FAM162A: variants seen among roughly 807,000 people sequenced by gnomAD.
FAM162A encodes the protein family with sequence similarity 162 member A, also known as protein FAM162A.
FAM162A carries 23 observed loss-of-function variants against 21.8 expected under a neutral mutation model. That is an observed-to-expected ratio of 1.05 (90% confidence interval 0.76 to 1.49). FAM162A has a LOEUF of 1.49. Ranked by LOEUF, FAM162A falls within the 40% of genes most tolerant of loss-of-function variation. The pLI, the probability that FAM162A is intolerant of heterozygous loss-of-function variation, is 0.00. For missense variants in FAM162A, 165 were observed against 186.4 expected, an observed-to-expected ratio of 0.89 and a Z score of 0.67; for synonymous variants, 53 against 61.3, an observed-to-expected ratio of 0.86 and a Z score of 0.64.
chr3:122,391,903 C>T (rs1484144926), intron 1 of FAM162A, among the ~76,000 whole-genome samples: 1 of 152,164 alleles, frequency 6.6e-6, no homozygotes, highest in South Asian at 2.1e-4. Context: ...ACTTCATGTC[C>T]CCATTGTTTA....
chr3:122,407,612 A>G, intron 4 of FAM162A: 1 of 511,834 alleles, frequency 2.0e-6, no homozygotes, highest in East Asian at 2.9e-5. Flanking sequence ...AAGAAGGACT[A>G]GATTCATTTT....
At chr3:122,408,293 T>C (rs981140199) in intron 4 of FAM162A, among the ~76,000 whole-genome samples, 1 of 152,226 alleles carries the variant, frequency 6.6e-6, no homozygotes, top group African/African-American at 2.4e-5. Flanking sequence ...CTATACTATC[T>C]TGCTATTAAG....
Position 122,409,926 on chromosome 3 carries a change from A to C in FAM162A, c.*95A>C. ...GATGTGGTATGAGGATCCATTTCAT[A>C]AAGTATGATTTGCCCAAACCTGTAC... On this transcript the variant is annotated 3_prime_UTR_variant, in exon 5 of 5. Transcript: ENST00000477892. The C allele has an allele frequency of 9.2e-7, 1 of 1,091,380 alleles. No individual in the cohort carries two copies. The highest frequency in any genetic ancestry group is 1.3e-5 in the South Asian group (1 of 77,594). The allele number at this position is 1,091,380 out of a possible 1,614,324, so 67.6% of individuals were successfully genotyped here. A position where few individuals can be genotyped will look rare whatever the true frequency, so the allele number is the denominator to read the frequency against.
chr3:122,401,306 C>A, intron 1 of FAM162A: 1 of 732,810 alleles, frequency 1.4e-6, no homozygotes, highest in Non-Finnish European at 1.7e-6. Flanking sequence ...ATTTTGTGTG[C>A]TTTTGTTAAA....
At chr3:122,404,441 A>G (rs776656286) in intron 3 of FAM162A, 78 bp downstream of exon 3, 11 of 664,468 alleles carry the variant, frequency 1.7e-5, no homozygotes, top group African/African-American at 3.7e-5. Context: ...CTGAGTTCCA[A>G]CTGTTTAAAA....
rs1221433752 is a variant in FAM162A, at chr3:122,411,209, C to T, written c.*1378C>T. The T allele has an allele frequency of 6.6e-6, 1 of 152,124 alleles. No homozygotes were observed. The highest frequency in any genetic ancestry group is 2.4e-5 in the African/African-American group (1 of 41,420). 9.4% of individuals were successfully genotyped at this position (152,124 alleles called of 1,614,324 possible). A position where few individuals can be genotyped will look rare whatever the true frequency, so the allele number is the denominator to read the frequency against. ...CATGCAGCTGTTTGGGCACTTTCTT[C>T]CCAAATAAAATACCCAGTAAAATGT... is the stretch of plus-strand genomic sequence containing the variant. On this transcript the variant is annotated 3_prime_UTR_variant, in exon 5 of 5. Coordinates refer to ENST00000477892, the MANE Select transcript of FAM162A (RefSeq NM_014367.4).
intron 1 of FAM162A, among the ~76,000 whole-genome samples, chr3:122,387,278 T>C (rs375417734): frequency 1.4e-3 from 220 of 152,354 alleles, no homozygotes; most frequent in African/African-American, 4.9e-3. Context: ...ATGTTTCTTA[T>C]TGAAAGAAAG....
intron 1 of FAM162A, among the ~76,000 whole-genome samples, chr3:122,394,276 A>G (rs2075617531): frequency 6.6e-6 from 1 of 152,046 alleles, no homozygotes; most frequent in Non-Finnish European, 1.5e-5. Flanking sequence ...TTACATTTCA[A>G]CATGAGATTT....
intron 1 of FAM162A, among the ~76,000 whole-genome samples, chr3:122,394,755 A>G (rs766846781): frequency 5.9e-5 from 9 of 152,184 alleles, no homozygotes; most frequent in Non-Finnish European, 1.3e-4. Context: ...CCAAAATACA[A>G]AAGAGGAGGG....
At position 122,409,875 on chromosome 3, in the gene FAM162A, T is replaced by C; in HGVS notation, c.*44T>C. 2.0e-6 allele frequency: 3 copies of C among 1,513,694 alleles called. No homozygotes were observed. The highest frequency in any genetic ancestry group is 1.1e-5 in the South Asian group (1 of 88,950). The allele number at this position is 1,513,694 out of a possible 1,614,324, so 93.8% of individuals were successfully genotyped here. ...CTGGATTTTGAAAATCCAGGAATTA[T>C]GTTATAACGTGCCTGTATTAAAAAG... On this transcript the variant is annotated 3_prime_UTR_variant, in exon 5 of 5. Coordinates refer to ENST00000477892, the MANE Select transcript of FAM162A (RefSeq NM_014367.4).
At chr3:122,405,472 ATTC>A (rs2075672817) in intron 3 of FAM162A, among the ~76,000 whole-genome samples, 1 of 152,358 alleles carries the variant, frequency 6.6e-6, no homozygotes, top group South Asian at 2.1e-4. Flanking sequence ...CAAGTCATGT[ATTC>A]TTCTGGGAAA....
At chr3:122,394,437 C>T (rs747203378) in intron 1 of FAM162A, among the ~76,000 whole-genome samples, 13 of 152,180 alleles carry the variant, frequency 8.5e-5, no homozygotes, top group Non-Finnish European at 1.6e-4. Context: ...TCTCCAGTTA[C>T]TAGCTGACCA....
At chr3:122,386,334 A>C (rs2075574388) in intron 1 of FAM162A, among the ~76,000 whole-genome samples, 1 of 152,182 alleles carries the variant, frequency 6.6e-6, no homozygotes, top group Non-Finnish European at 1.5e-5. Flanking sequence ...GGATTGCTTG[A>C]GACCAGGAGT....
chr3:122,389,901 C>CT (rs1363927316), intron 1 of FAM162A, among the ~76,000 whole-genome samples: 3 of 152,040 alleles, frequency 2.0e-5, no homozygotes, highest in Non-Finnish European at 4.4e-5. Context: ...TTACTAAAAG[C>CT]TTTTTACATA....
chr3:122,384,414 C>G (rs922316956), intron 1 of FAM162A, 115 bp downstream of exon 1: 2 of 1,279,468 alleles, frequency 1.6e-6, no homozygotes, highest in East Asian at 5.0e-5. Context: ...CGCACTTTCT[C>G]GGTTCCTCAG....
Position 122,406,760 on chromosome 3 carries a change from T to G in FAM162A, c.264-521T>G, listed in dbSNP as rs113254760. Among the ~76,000 whole-genome samples the G allele has an allele frequency of 2.0e-3, 306 of 152,356 alleles. 1 individual carries two copies. The highest frequency in any genetic ancestry group is 3.4e-3 in the Non-Finnish European group (230 of 68,026). ...AAAAAGCTGGGTATATGGAGCACAT[T>G]GGTTAACTTTCTCCAATGTTTGATC... On this transcript the variant is annotated intron_variant, in intron 3 of 4. Coordinates refer to ENST00000477892, the MANE Select transcript of FAM162A (RefSeq NM_014367.4).
intron 1 of FAM162A, among the ~76,000 whole-genome samples, chr3:122,398,825 T>G (rs2075640646): frequency 6.6e-6 from 1 of 152,238 alleles, no homozygotes; most frequent in South Asian, 2.1e-4. Flanking sequence ...GATATGATTT[T>G]GAAATACATA....
intron 1 of FAM162A, among the ~76,000 whole-genome samples, chr3:122,389,816 T>C (rs1340246808): frequency 6.6e-6 from 1 of 152,208 alleles, no homozygotes; most frequent in Non-Finnish European, 1.5e-5. Context: ...GTGCTTTTAT[T>C]TTTCTTCACA....
intron 1 of FAM162A, chr3:122,401,666 G>A (rs1433255720): frequency 4.2e-6 from 2 of 472,968 alleles, no homozygotes; most frequent in Non-Finnish European, 6.1e-6. Flanking sequence ...ATTCTGGCTG[G>A]TTGTGAGATG....
Sources: gnomAD v4.1 joint callset for allele counts (sites outside exome capture counted in the v4.1 genomes callset) on GRCh38, gnomAD v4.1.1 for gene constraint, MANE v1.5 for transcripts, NCBI Gene and HGNC (gene_info 2026-07-23, HGNC 2026-07-21) for gene names.